MYO19: variants seen among roughly 807,000 people sequenced by gnomAD.
The protein encoded by MYO19 is myosin XIX.
Under a neutral mutation model 129.2 loss-of-function variants are expected in MYO19, and 132 were observed. The ratio of observed to expected loss-of-function variants is 1.02; its 90% CI spans 0.89 to 1.18. MYO19 has a LOEUF of 1.18. Ranked by LOEUF, MYO19 falls within the 50% of genes most tolerant of loss-of-function variation. MYO19 has a pLI of 0.00. For synonymous variants in MYO19, 531 were observed against 477.2 expected (o/e 1.11, Z -1.47); for missense variants, 1,210 against 1,216.7 (o/e 0.99, Z 0.08).
At chr17:36,537,734 C>T (rs1200424204), upstream of MYO19, 1 of 1,613,942 alleles carries the variant, frequency 6.2e-7, no homozygotes, top group Non-Finnish European at 8.5e-7. Context: ...CATTAGTCTT[C>T]CTAGGAATCG....
intron 21 of MYO19, 120 bp from the exon 22 acceptor site, chr17:36,501,355 T>C (rs2071516653): frequency 9.3e-7 from 1 of 1,072,192 alleles, no homozygotes; most frequent in African/African-American, 1.6e-5. Flanking sequence ...TTCTTGGCTC[T>C]AGCCATTTTC....
intron 6 of MYO19, among the ~76,000 whole-genome samples, chr17:36,523,138 G>T (rs951129958): frequency 4.8e-5 from 7 of 145,560 alleles, no homozygotes; most frequent in African/African-American, 1.8e-4. Flanking sequence ...AGTGGGCTGA[G>T]ATTGTGCCAC....
Position 36,511,435 on chromosome 17 carries a change from G to A in MYO19, c.915C>T (p.His305=), listed in dbSNP as rs769122474. ...AGGCAGCAAACTGGATATTGCCAAGGTGCAGCAGTCCAGCTAGGACCTGGG... is the reference window on the plus strand; with the variant it reads ...AGGCAGCAAACTGGATATTGCCAAGATGCAGCAGTCCAGCTAGGACCTGGG... The part of the protein sequence containing the change: ...NIFKVLAGLL[H]LGNIQFAASE... Residue 305 remains histidine, a synonymous_variant, in exon 12 of 26, where the codon CAC becomes CAT. Coordinates refer to ENST00000614623, the MANE Select transcript of MYO19 (RefSeq NM_001163735.2). The A allele has an allele frequency of 1.3e-6, 2 of 1,565,944 alleles. No individual in the cohort carries two copies. Among genetic ancestry groups the A allele is most frequent in the Admixed American group, 3.8e-5 (2 of 52,748 alleles).
Position 36,503,147 on chromosome 17 carries a change from G to C in MYO19, c.2030C>G (p.Pro677Arg), listed in dbSNP as rs773014443. 6.2e-7 allele frequency: 1 copy of C among 1,614,054 alleles called. No individual in the cohort carries two copies. Among genetic ancestry groups the C allele is most frequent in the Non-Finnish European group, 8.5e-7 (1 of 1,179,902 alleles). Reference protein sequence around the residue: ...ERYKLLRRLHPCTSSGPDSPY... With the variant: ...ERYKLLRRLHRCTSSGPDSPY... Reference sequence around the variant, plus strand: ...GCTGTCGGGGCCAGAGGATGTGCAAGGATGAAGCCTTCTTAGTAACTTGTA... The same window carrying C: ...GCTGTCGGGGCCAGAGGATGTGCAACGATGAAGCCTTCTTAGTAACTTGTA... The change falls in exon 21 of 26, where the codon CCT (proline) becomes CGT (arginine). Residue 677 changes from proline (P) to arginine (R), a missense_variant. Pro to Arg is a moderately radical substitution (Grantham distance 103). Coordinates refer to ENST00000614623, the MANE Select transcript of MYO19 (RefSeq NM_001163735.2).
chr17:36,511,421 T>C lies in MYO19; in HGVS notation c.929A>G (p.Gln310Arg). 2.5e-6 allele frequency: 4 copies of C among 1,571,002 alleles called. No individual in the cohort carries two copies. The highest frequency in any genetic ancestry group is 3.5e-6 in the Non-Finnish European group (4 of 1,158,360). Reference protein sequence around the residue: ...LAGLLHLGNIQFAASEDEAQP... With the variant: ...LAGLLHLGNIRFAASEDEAQP... ...GGCTTCATCCTCGGAGGCAGCAAAC[T>C]GGATATTGCCAAGGTGCAGCAGTCC... Residue 310 changes from glutamine to arginine, a missense_variant, in exon 12 of 26, where the codon CAG (glutamine) becomes CGG (arginine). By Grantham distance (43) the Gln-to-Arg change is conservative (BLOSUM62 1). Coordinates refer to ENST00000614623, the MANE Select transcript of MYO19 (RefSeq NM_001163735.2).
intron 25 of MYO19, chr17:36,497,487 A>C: frequency 1.0e-6 from 1 of 964,956 alleles, no homozygotes; most frequent in Non-Finnish European, 1.2e-6. Context: ...ATGTGGGACT[A>C]ATTAGATTAT....
chr17:36,516,678 A>G (rs1476459956), intron 6 of MYO19, among the ~76,000 whole-genome samples: 2 of 152,204 alleles, frequency 1.3e-5, no homozygotes, highest in Non-Finnish European at 2.9e-5. Flanking sequence ...CAAGCAGTCT[A>G]ATTTTAATTC....
At chr17:36,524,906 C>T (rs1354706287) in intron 6 of MYO19, among the ~76,000 whole-genome samples, 1 of 152,212 alleles carries the variant, frequency 6.6e-6, no homozygotes, top group Non-Finnish European at 1.5e-5. Context: ...ATGCTGGAAT[C>T]CCCAGCAGCT....
upstream of MYO19, chr17:36,537,618 G>A: frequency 6.2e-7 from 1 of 1,614,066 alleles, no homozygotes; most frequent in South Asian, 1.1e-5. Flanking sequence ...TGGAGTAGGT[G>A]GCTTTGTTTT....
chr17:36,514,823 G>A lies in MYO19; in HGVS notation c.618-275C>T, dbSNP rs180928666. On this transcript the variant is annotated intron_variant, in intron 8 of 25. Coordinates refer to ENST00000614623, the MANE Select transcript of MYO19 (RefSeq NM_001163735.2). ...TCGAAGTCTCAGCCTCAAGCTCAGG[G>A]ATATGGTCCAAAGAGGTGGCAATTT... Among the ~76,000 whole-genome samples, 275 of 152,306 alleles carry A rather than the reference G, an allele frequency of 1.8e-3. 2 individuals are homozygous for A. The highest frequency in any genetic ancestry group is 8.4e-4 in the Non-Finnish European group (57 of 68,018).
intron 10 of MYO19, 60 bp downstream of exon 10, chr17:36,513,569 T>C: frequency 6.8e-6 from 11 of 1,613,518 alleles, no homozygotes; most frequent in Non-Finnish European, 9.3e-6. Context: ...AGGCAGGCTC[T>C]GTACAGAGTG....
chr17:36,537,428 C>T (rs1187093041), upstream of MYO19: 1 of 1,614,144 alleles, frequency 6.2e-7, no homozygotes, highest in Non-Finnish European at 8.5e-7. Context: ...GACTGCCTTT[C>T]CTAAAAATCC....
chr17:36,507,302 G>T, intron 16 of MYO19, 97 bp downstream of exon 16: 5 of 1,426,436 alleles, frequency 3.5e-6, no homozygotes, highest in Non-Finnish European at 4.9e-6. Context: ...GGCAGACTGG[G>T]AGGAGAGAGG....
chr17:36,518,504 AAAAAAAAAAAAAAAAAAAAAAAAAT>A (rs1365608771), intron 6 of MYO19, among the ~76,000 whole-genome samples: 35 of 51,546 alleles, frequency 6.8e-4, no homozygotes, highest in African/African-American at 2.5e-3. Context: ...AAAAAAAAAA[AAAAAAAAAAAAAAAAAAAAAAAAAT>A]ATATATATAT....
At chr17:36,532,418 A>C (rs1462579765) in intron 3 of MYO19, 109 bp downstream of exon 3, 19 of 1,295,310 alleles carry the variant, frequency 1.5e-5, no homozygotes, top group Non-Finnish European at 1.9e-5. Context: ...AGACAATTTG[A>C]GGAGAGAAAA....
In MYO19 at chr17:36,515,200, G is replaced by T; in HGVS notation, c.548-18C>A. 1 of 1,609,002 alleles carries T rather than the reference G, an allele frequency of 6.2e-7. No individual in the cohort carries two copies. Among genetic ancestry groups the T allele is most frequent in the Non-Finnish European group, 8.5e-7 (1 of 1,177,198 alleles). On this transcript the variant is annotated intron_variant, in intron 7 of 25. Transcript: ENST00000614623. Reference sequence around the variant, plus strand: ...CGCATTCCCTACAGATCACACCTATGTTTATTTCACTCCCCTGGGTTTGCA... The same window carrying T: ...CGCATTCCCTACAGATCACACCTATTTTTATTTCACTCCCCTGGGTTTGCA...
At chr17:36,544,570 T>C (rs772961964), upstream of MYO19, among the ~76,000 whole-genome samples, 2 of 152,204 alleles carry the variant, frequency 1.3e-5, no homozygotes, top group African/African-American at 4.8e-5. Context: ...GCTGAAAGAA[T>C]TCCCCTTTGA....
At chr17:36,502,335 G>T in intron 21 of MYO19, among the ~76,000 whole-genome samples, 1 of 152,172 alleles carries the variant, frequency 6.6e-6, no homozygotes, top group South Asian at 2.1e-4. Context: ...TGCAGGACAA[G>T]TCACCCATGC....
At position 36,496,285 on chromosome 17, in the gene MYO19, T is replaced by C; in HGVS notation, c.2879A>G (p.His960Arg). Residue 960 changes from histidine to arginine, a missense_variant, in exon 26 of 26, where the codon CAC becomes CGC. Physicochemically the swap from His to Arg is conservative, Grantham distance 29 (BLOSUM62 0). Transcript: ENST00000614623. ...QILLERHRLIHVTSSAFTGLG is the reference protein window; with the variant it reads ...QILLERHRLIRVTSSAFTGLG ...CCCAGTGAAGGCAGAAGAGGTCACG[T>C]GGATCAGCCTGTGTCTTTCCAGCAG... 2 of 1,614,040 alleles carry C rather than the reference T, an allele frequency of 1.2e-6. No individual in the cohort carries two copies. The highest frequency in any genetic ancestry group is 2.2e-5 in the South Asian group (2 of 91,084).
Sources: gnomAD v4.1 joint callset for allele counts (sites outside exome capture counted in the v4.1 genomes callset) on GRCh38, gnomAD v4.1.1 for gene constraint, MANE v1.5 for transcripts, NCBI Gene and HGNC (gene_info 2026-07-23, HGNC 2026-07-21) for gene names.